Variants in TM9SF4 observed in about 807,000 individuals in gnomAD.
The protein encoded by TM9SF4 is dinucleotide oxidase disulfide thiol exchanger 3 superfamily member 4.
In TM9SF4, 26 loss-of-function variants were observed where a neutral mutation model predicts 90.4. That is an observed-to-expected ratio of 0.29 (90% confidence interval 0.21 to 0.40). The LOEUF (loss-of-function observed/expected upper bound fraction) is 0.40. Ranked by LOEUF, TM9SF4 falls within the 10% of genes least tolerant of loss-of-function variation. The probability of loss-of-function intolerance (pLI) is 1.00; values close to 1 mark genes in which losing one functional copy is unlikely to be tolerated. For synonymous variants in TM9SF4, 293 were observed against 315.4 expected (o/e 0.93, Z 0.75); for missense variants, 549 against 834.8 (o/e 0.66, Z 4.22).
chr20:32,155,302 G>GT (rs1295596138), intron 13 of TM9SF4, 116 bp downstream of exon 13: 2 of 910,580 alleles, frequency 2.2e-6, no homozygotes, highest in East Asian at 2.5e-5. Flanking sequence ...AGTCCCCAGA[G>GT]TTACGTTCCC....
intron 1 of TM9SF4, among the ~76,000 whole-genome samples, chr20:32,126,734 CTT>C (rs72250081): frequency 3.9e-5 from 5 of 128,290 alleles, no homozygotes; most frequent in Admixed American, 1.6e-4. Flanking sequence ...GAACTAATTT[CTT>C]TTTTTTTTTT....
rs71185385 is a variant in TM9SF4, at chr20:32,156,942, CTTTTTT to C, written c.1330-842_1330-837del. Among the ~76,000 whole-genome samples, 282 of 103,464 alleles carry C rather than the reference CTTTTTT, an allele frequency of 2.7e-3. 3 individuals are homozygous for C. The highest frequency in any genetic ancestry group is 3.5e-3 in the Non-Finnish European group (204 of 57,602). The allele number at this position is 103,464 out of a possible 152,430, so 67.9% of individuals were successfully genotyped here. ...TATTTTTTTTTTTCCTGGACATTTTCTTTTTTTTTTTTTTTGAGACGAAGTCTCACT... is the reference window on the plus strand; with the variant it reads ...TATTTTTTTTTTTCCTGGACATTTTCTTTTTTTTTGAGACGAAGTCTCACT... On this transcript the variant is annotated intron_variant, in intron 13 of 17. Coordinates refer to ENST00000398022, the MANE Select transcript of TM9SF4 (RefSeq NM_014742.4).
At chr20:32,126,872 A>T (rs1361273132) in intron 1 of TM9SF4, among the ~76,000 whole-genome samples, 3 of 151,898 alleles carry the variant, frequency 2.0e-5, no homozygotes, top group Non-Finnish European at 2.9e-5. Flanking sequence ...GGTGGCTGGG[A>T]TTACAGGCGC....
At position 32,160,120 on chromosome 20, in the gene TM9SF4, A is replaced by G; in HGVS notation, c.1689+9A>G. 6.2e-7 allele frequency: 1 copy of G among 1,613,872 alleles called. No individual in the cohort carries two copies. Among genetic ancestry groups the G allele is most frequent in the Non-Finnish European group, 8.5e-7 (1 of 1,179,952 alleles). The stretch of plus-strand genomic sequence containing the variant: ...TCCAGCTGTGTGCAGAGGTGAGGAG[A>G]GCAGGGCCAGGAGGCGGGGGAGGGA... On this transcript the variant is annotated intron_variant, in intron 16 of 17. Transcript: ENST00000398022.
In TM9SF4 at chr20:32,161,298, A is replaced by G; in HGVS notation, c.1712A>G (p.Asn571Ser). The G allele has an allele frequency of 6.2e-7, 1 of 1,613,874 alleles. No homozygotes were observed. The highest frequency in any genetic ancestry group is 8.5e-7 in the Non-Finnish European group (1 of 1,180,014). The stretch of plus-strand genomic sequence containing the variant: ...CAGGATTACCGCTGGTGGTGGAGAA[A>G]TTTCCTAGTCTCCGGGGGCTCTGCA... ...CAEDYRWWWR[N>S]FLVSGGSAFY... Residue 571 changes from asparagine to serine, a missense_variant, in exon 17 of 18, where the codon AAT (asparagine) becomes AGT (serine). Physicochemically the swap from Asn to Ser is conservative, Grantham distance 46. Coordinates refer to ENST00000398022, the MANE Select transcript of TM9SF4 (RefSeq NM_014742.4).
At chr20:32,159,494 G>A (rs1345780288) in intron 15 of TM9SF4, 3 of 157,934 alleles carry the variant, frequency 1.9e-5, no homozygotes, top group African/African-American at 7.2e-5. Context: ...GTCAGAGGAG[G>A]TGTTGGCTGC....
chr20:32,150,980 A>G lies in TM9SF4; in HGVS notation c.1245+105A>G, dbSNP rs1440316901. ...TCCTGGTGGGGATTTTTGGGCCAGAAGCTGAGCAGCAGCAAGACATAGCAG... is the reference window on the plus strand; with the variant it reads ...TCCTGGTGGGGATTTTTGGGCCAGAGGCTGAGCAGCAGCAAGACATAGCAG... On this transcript the variant is annotated intron_variant, in intron 12 of 17. Transcript: ENST00000398022. The G allele has an allele frequency of 2.2e-6, 3 of 1,362,218 alleles. No individual in the cohort carries two copies. In the African/African-American group the frequency reaches 4.3e-5, roughly 20 times the overall value. The allele number at this position is 1,362,218 out of a possible 1,614,324, so 84.4% of individuals were successfully genotyped here.
chr20:32,124,979 T>TA (rs1264064260), intron 1 of TM9SF4, among the ~76,000 whole-genome samples: 1 of 152,190 alleles, frequency 6.6e-6, no homozygotes, highest in Non-Finnish European at 1.5e-5. Flanking sequence ...CTTTGGTTGA[T>TA]AAAATGTCAA....
In TM9SF4 at chr20:32,109,881, C is replaced by T. The variant is rs540143874; in HGVS notation, c.15+126C>T. On this transcript the variant is annotated intron_variant, in intron 1 of 17. Coordinates refer to ENST00000398022, the MANE Select transcript of TM9SF4 (RefSeq NM_014742.4). Reference sequence around the variant, plus strand: ...ACCCCTGACTCAGGCCTGAGGGCTACCTCTGACTGGGCTTGTCTTCCCCGA... The same window carrying T: ...ACCCCTGACTCAGGCCTGAGGGCTATCTCTGACTGGGCTTGTCTTCCCCGA... The T allele has an allele frequency of 4.6e-6, 7 of 1,516,144 alleles. No homozygotes were observed. In the African/African-American group the frequency reaches 6.9e-5, roughly 15 times the overall value. The allele number at this position is 1,516,144 out of a possible 1,614,324, so 93.9% of individuals were successfully genotyped here. A position where few individuals can be genotyped will look rare whatever the true frequency, so the allele number is the denominator to read the frequency against.
At chr20:32,150,897 T>C in intron 12 of TM9SF4, 22 bp downstream of exon 12, 2 of 1,613,360 alleles carry the variant, frequency 1.2e-6, no homozygotes, top group Non-Finnish European at 1.7e-6. Flanking sequence ...AAACCTTCTC[T>C]TGTTTGGTGG....
chr20:32,130,296 T>G (rs2046491713), intron 1 of TM9SF4, among the ~76,000 whole-genome samples: 1 of 152,216 alleles, frequency 6.6e-6, no homozygotes, highest in Admixed American at 6.5e-5. Context: ...GATAGTATCT[T>G]TGTGTGAGGA....
rs968996664 is a variant in TM9SF4 at position 32,165,303 on chromosome 20, C to T, written c.1788C>T (p.Ile596=). 7.4e-6 allele frequency: 12 copies of T among 1,614,088 alleles called. No individual in the cohort carries two copies. The highest frequency in any genetic ancestry group is 2.2e-5 in the South Asian group (2 of 91,086). The change falls in exon 18 of 18, where the codon ATC becomes ATT. Residue 596 remains isoleucine, a synonymous_variant. Coordinates refer to ENST00000398022, the MANE Select transcript of TM9SF4 (RefSeq NM_014742.4). The stretch of plus-strand genomic sequence containing the variant: ...TCTGCTCGTGGCCGCAGCTGGACAT[C>T]GTGGAGTTCATCCCCTCTCTCCTCT... ...AIFYFVNKLD[I]VEFIPSLLYF...
intron 1 of TM9SF4, among the ~76,000 whole-genome samples, chr20:32,111,447 A>G (rs1261970536): frequency 3.9e-5 from 6 of 152,248 alleles, no homozygotes; most frequent in Non-Finnish European, 7.3e-5. Flanking sequence ...GTACACATCT[A>G]TTTAGTCAAC....
chr20:32,130,978 T>G lies in TM9SF4; in HGVS notation c.16-2035T>G, dbSNP rs56256746. Among the ~76,000 whole-genome samples, 1,351 of 152,280 alleles carry G rather than the reference T, an allele frequency of 8.9e-3. 27 individuals carry two copies. Among genetic ancestry groups the G allele is most frequent in the African/African-American group, 0.031 (1,280 of 41,534 alleles). Reference sequence around the variant, plus strand: ...CTCTGTAGTGTCTGTGTAACTCTTCTGCAAATCTAAATTTACTTAAAAATA... The same window carrying G: ...CTCTGTAGTGTCTGTGTAACTCTTCGGCAAATCTAAATTTACTTAAAAATA... On this transcript the variant is annotated intron_variant, in intron 1 of 17. Coordinates refer to ENST00000398022, the MANE Select transcript of TM9SF4 (RefSeq NM_014742.4).
intron 1 of TM9SF4, among the ~76,000 whole-genome samples, chr20:32,118,468 A>G (rs2046257231): frequency 6.7e-6 from 1 of 149,828 alleles, no homozygotes; most frequent in African/African-American, 2.5e-5. Context: ...TCACCCTGTC[A>G]CCCAGGTTGG....
At position 32,150,651 on chromosome 20, in the gene TM9SF4, T is replaced by C; in HGVS notation, c.1117T>C (p.Ser373Pro). 6.2e-7 allele frequency: 1 copy of C among 1,614,198 alleles called. No individual in the cohort carries two copies. The highest frequency in any genetic ancestry group is 8.5e-7 in the Non-Finnish European group (1 of 1,180,040). The change falls in exon 11 of 18, where the codon TCC becomes CCC. Residue 373 changes from serine (S) to proline (P), a missense_variant. Transcript: ENST00000398022. ...AGCCATGCTTGGGATGCTGTCGCCC[T>C]CCAGCCGGGGAGCTCTCATGACCAC... Reference protein sequence around the residue: ...FVAMLGMLSPSSRGALMTTAC... With the variant: ...FVAMLGMLSPPSRGALMTTAC...
chr20:32,165,119 A>G (rs2047081319), intron 17 of TM9SF4, among the ~76,000 whole-genome samples, 176 bp from the exon 18 acceptor site: 1 of 152,218 alleles, frequency 6.6e-6, no homozygotes, highest in Non-Finnish European at 1.5e-5. Flanking sequence ...GGCCTGGTCC[A>G]GATGAAGCAG....
At chr20:32,159,546 C>A (rs75415486) in intron 15 of TM9SF4, 312 of 160,258 alleles carry the variant, frequency 1.9e-3, no homozygotes, top group African/African-American at 7.3e-3. Context: ...GGGAAGCCCC[C>A]TCTGTTTCAT....
chr20:32,159,873 C>A, intron 15 of TM9SF4, 119 bp from the exon 16 acceptor site: 1 of 1,435,512 alleles, frequency 7.0e-7, no homozygotes, highest in South Asian at 1.3e-5. Context: ...CATGCCAGGC[C>A]CACGGGCCCT....
Sources: allele counts gnomAD v4.1 joint callset (sites outside exome capture counted in the v4.1 genomes callset), GRCh38; gene constraint gnomAD v4.1.1; transcripts MANE v1.5; gene names NCBI Gene and HGNC (gene_info 2026-07-23, HGNC 2026-07-21).